The following DNAH5 variants were observed in gnomAD, a reference collection of about 807,000 sequenced individuals.
The protein encoded by DNAH5 is axonemal beta dynein heavy chain 5.
In DNAH5, 372 loss-of-function variants were observed where a neutral mutation model predicts 518.2. That is an observed-to-expected ratio of 0.72 (90% CI 0.66 to 0.78). DNAH5 has a LOEUF of 0.78. Ranked by LOEUF, DNAH5 falls within the 30% of genes least tolerant of loss-of-function variation. DNAH5 has a pLI of 0.00. For synonymous variants in DNAH5, 2,039 were observed against 2,025.9 expected (o/e 1.01, Z -0.17); for missense variants, 5,523 against 5,687.0 (o/e 0.97, Z 0.93).
In DNAH5 at chr5:13,792,236, C is replaced by T. The variant is rs1757118368; in HGVS notation, c.8225-19G>A. The stretch of plus-strand genomic sequence containing the variant: ...ATCACACCTGAAAAGGGGGAAATTA[C>T]AGCATTTTGATTAGCCATTCAAAGA... On this transcript the variant is annotated intron_variant, in intron 49 of 78. Coordinates refer to ENST00000265104, the MANE Select transcript of DNAH5 (RefSeq NM_001369.3). The T allele has an allele frequency of 1.9e-6, 3 of 1,599,496 alleles. No homozygotes were observed. The highest frequency in any genetic ancestry group is 2.2e-5 in the East Asian group (1 of 44,804).
In DNAH5 at chr5:13,768,979, T is replaced by G. The variant is rs542064804; in HGVS notation, c.9878A>C (p.Glu3293Ala). ...KLEAAKPALE[E>A]AEAALQTIRP... is the part of the protein sequence containing the mutation. ...ATGCACCTGCAATGCAGCTTCTGCC[T>G]CTTCTAAAGCTGGTTTTGCTGCTTC... The change falls in exon 58 of 79, where the codon GAG (glutamate) becomes GCG (alanine). Residue 3293 changes from glutamate to alanine, a missense_variant. Transcript: ENST00000265104. 1.3e-5 allele frequency: 21 copies of G among 1,614,192 alleles called. 1 individual carries two copies. In the South Asian group the frequency reaches 1.4e-4, roughly 11 times the overall value.
At chr5:13,861,913 A>G (rs1768475530) in intron 29 of DNAH5, among the ~76,000 whole-genome samples, 1 of 132,732 alleles carries the variant, frequency 7.5e-6, no homozygotes, top group African/African-American at 2.7e-5. Flanking sequence ...AGATCACGCC[A>G]TTGCACTCCA....
chr5:13,786,201 T>A lies in DNAH5; in HGVS notation c.8798A>T (p.Asp2933Val). Residue 2933 changes from aspartate to valine, a missense_variant, in exon 52 of 79, where the codon GAT (aspartate) becomes GTT (valine). By Grantham distance (152) the Asp-to-Val change is radical. Coordinates refer to ENST00000265104, the MANE Select transcript of DNAH5 (RefSeq NM_001369.3). Reference protein sequence around the residue: ...GAGMDMVFFADAMVHLVKISR... With the variant: ...GAGMDMVFFAVAMVHLVKISR... The stretch of plus-strand genomic sequence containing the variant: ...TACCTTGACTAAGTGAACCATGGCA[T>A]CTGCAAAGAACACCATGTCCATGCC... 1.2e-6 allele frequency: 2 copies of A among 1,614,042 alleles called. No individual in the cohort carries two copies. The highest frequency in any genetic ancestry group is 1.7e-6 in the Non-Finnish European group (2 of 1,179,962).
intron 65 of DNAH5, among the ~76,000 whole-genome samples, chr5:13,739,462 C>A (rs1049224026): frequency 1.3e-5 from 2 of 152,108 alleles, no homozygotes; most frequent in Non-Finnish European, 2.9e-5. Context: ...GAGGCCTCCC[C>A]AGCCATGCAG....
chr5:13,879,428 T>C lies in DNAH5; in HGVS notation c.3263-2611A>G, dbSNP rs528866697. Among the ~76,000 whole-genome samples the C allele has an allele frequency of 1.3e-3, 205 of 152,254 alleles. 2 individuals are homozygous for C. Among genetic ancestry groups the C allele is most frequent in the African/African-American group, 4.6e-3 (193 of 41,554 alleles). On this transcript the variant is annotated intron_variant, in intron 21 of 78. Coordinates refer to ENST00000265104, the MANE Select transcript of DNAH5 (RefSeq NM_001369.3). ...TAAAAATCTGTAAGTCAAACTATTC[T>C]AAGTACAGATGCTCTTTGACTTACT...
At chr5:13,785,834 T>C (rs1301343092) in intron 52 of DNAH5, among the ~76,000 whole-genome samples, 1 of 152,196 alleles carries the variant, frequency 6.6e-6, no homozygotes, top group Non-Finnish European at 1.5e-5. Context: ...TATTTTTTTA[T>C]AGGATATTCT....
chr5:13,996,398 G>A (rs564681399), intron 1 of DNAH5, among the ~76,000 whole-genome samples: 113 of 152,232 alleles, frequency 7.4e-4, no homozygotes, highest in African/African-American at 2.6e-3. Context: ...ACTGGTTCCA[G>A]CTTCCACTTT....
intron 43 of DNAH5, among the ~76,000 whole-genome samples, chr5:13,813,655 T>A (rs1483098401): frequency 6.6e-6 from 1 of 152,138 alleles, no homozygotes; most frequent in East Asian, 1.9e-4. Context: ...TTACAACTAT[T>A]TTTAGTGACA....
intron 30 of DNAH5, among the ~76,000 whole-genome samples, chr5:13,854,687 T>C (rs976132004): frequency 8.2e-6 from 1 of 121,844 alleles, no homozygotes; most frequent in African/African-American, 2.9e-5. Flanking sequence ...ACCAAGCAAA[T>C]GGAAAGCAAA....
chr5:13,735,755 G>A, intron 67 of DNAH5, 63 bp downstream of exon 67: 2 of 1,222,504 alleles, frequency 1.6e-6, no homozygotes, highest in East Asian at 2.3e-5. Context: ...AGTTATAAAT[G>A]TAATGTCATC....
At chr5:14,007,383 C>T (rs557617657) in intron 1 of DNAH5, among the ~76,000 whole-genome samples, 6 of 152,252 alleles carry the variant, frequency 3.9e-5, no homozygotes, top group African/African-American at 1.4e-4. Context: ...CCAGAAAAGT[C>T]ACACCCACTC....
chr5:13,802,237 A>T (rs59430708), intron 47 of DNAH5, among the ~76,000 whole-genome samples: 26,873 of 152,104 alleles, frequency 0.18, 2,464 homozygotes, highest in Middle Eastern at 0.24. Context: ...CTGTCTACAC[A>T]CATAGGATAT....
At chr5:13,709,982 C>G (rs1743272406) in intron 75 of DNAH5, among the ~76,000 whole-genome samples, 1 of 152,114 alleles carries the variant, frequency 6.6e-6, no homozygotes, top group South Asian at 2.1e-4. Context: ...CTGGAAAGCA[C>G]CACCTCCTGA....
At chr5:13,849,889 C>A (rs1205704816) in intron 31 of DNAH5, among the ~76,000 whole-genome samples, 1 of 152,072 alleles carries the variant, frequency 6.6e-6, no homozygotes, top group Non-Finnish European at 1.5e-5. Context: ...AGTATTTAAG[C>A]CATCAACTGC....
At chr5:13,841,540 T>C (rs966618626) in intron 33 of DNAH5, 152 bp downstream of exon 33, 5 of 651,574 alleles carry the variant, frequency 7.7e-6, no homozygotes, top group East Asian at 2.7e-5. Flanking sequence ...AGTTAAAATC[T>C]GAAAGGTTAA....
intron 17 of DNAH5, among the ~76,000 whole-genome samples, chr5:13,888,134 C>A (rs1209910298): frequency 6.6e-6 from 1 of 152,162 alleles, no homozygotes; most frequent in Non-Finnish European, 1.5e-5. Flanking sequence ...CCATCATGAG[C>A]CCCTTTTCCT....
intron 11 of DNAH5, 148 bp from the exon 12 acceptor site, chr5:13,911,641 G>A (rs1422585720): frequency 5.8e-6 from 4 of 689,968 alleles, no homozygotes; most frequent in Non-Finnish European, 9.7e-6. Flanking sequence ...ACATTGTTTT[G>A]TGCTTATTAT....
At position 13,952,024 on chromosome 5, in the gene DNAH5, A is replaced by T. The variant is rs533149080; in HGVS notation, c.13-20780T>A. ...TCAAATGTCATTTAATGTAAAATAA[A>T]ATCCTGATAATAGGAATTGTTTGTT... On this transcript the variant is annotated intron_variant, in intron 1 of 78. Transcript: ENST00000681290. Among the ~76,000 whole-genome samples, 8 of 152,300 alleles carry T rather than the reference A, an allele frequency of 5.3e-5. No homozygotes were observed. In the East Asian group the frequency reaches 1.5e-3, roughly 29 times the overall value.
chr5:13,780,883 G>A lies in DNAH5; in HGVS notation c.8897C>T (p.Thr2966Met), dbSNP rs202021335. The change falls in exon 53 of 79, where the codon ACG (threonine) becomes ATG (methionine). Residue 2966 changes from threonine (T) to methionine (M), a missense_variant. Physicochemically the swap from Thr to Met is moderately conservative, Grantham distance 81. Coordinates refer to ENST00000265104, the MANE Select transcript of DNAH5 (RefSeq NM_001369.3). The part of the protein sequence containing the change: ...GVGGSGKQSL[T>M]RLASFIAGYV... The stretch of plus-strand genomic sequence containing the variant: ...GCCAGCAATGAATGAAGCCAACCTC[G>A]TCAGGCTCTGCTTTCCTGATCCGCC... 1.9e-5 allele frequency: 30 copies of A among 1,613,654 alleles called. No homozygotes were observed. Among genetic ancestry groups the A allele is most frequent in the African/African-American group, 4.0e-5 (3 of 74,888 alleles).
Sources: gnomAD v4.1 joint callset for allele counts (sites outside exome capture counted in the v4.1 genomes callset) on GRCh38, gnomAD v4.1.1 for gene constraint, MANE v1.5 for transcripts, NCBI Gene and HGNC (gene_info 2026-07-23, HGNC 2026-07-21) for gene names.